GRID1: variants seen among roughly 807,000 people sequenced by gnomAD.
GRID1 encodes the protein glutamate ionotropic receptor delta type subunit 1.
In GRID1, 28 loss-of-function variants were observed where a neutral mutation model predicts 98.0. That is an observed-to-expected ratio of 0.29 (90% confidence interval 0.21 to 0.39). GRID1 has a LOEUF of 0.39. Among genes scored for constraint, GRID1 ranks in the 10% least tolerant of loss-of-function variants. The pLI is 1.00. For synonymous variants in GRID1, 553 were observed against 538.5 expected, an observed-to-expected ratio of 1.03 and a Z score of -0.37; for missense variants, 1,111 against 1,340.5, an observed-to-expected ratio of 0.83 and a Z score of 2.67.
intron 3 of GRID1, among the ~76,000 whole-genome samples, chr10:86,176,461 A>T (rs921000436): frequency 2.6e-5 from 4 of 152,254 alleles, no homozygotes; most frequent in Admixed American, 2.0e-4. Context: ...GAGGCCTGAA[A>T]AAATGGAGGC....
intron 4 of GRID1, among the ~76,000 whole-genome samples, chr10:85,998,811 A>G (rs980185116): frequency 1.3e-5 from 2 of 152,240 alleles, no homozygotes; most frequent in Non-Finnish European, 2.9e-5. Flanking sequence ...AAGATAAAAC[A>G]TCACAACAGA....
chr10:85,801,905 C>G (rs954989155), intron 8 of GRID1, among the ~76,000 whole-genome samples: 3 of 151,896 alleles, frequency 2.0e-5, no homozygotes, highest in African/African-American at 7.2e-5. Flanking sequence ...TTGAGAAAAA[C>G]TATTAGCTAT....
At chr10:85,825,024 T>C (rs1465117916) in intron 8 of GRID1, among the ~76,000 whole-genome samples, 1 of 152,234 alleles carries the variant, frequency 6.6e-6, no homozygotes, top group African/African-American at 2.4e-5. Context: ...GTCTTTTTGA[T>C]GTGATGACTT....
At chr10:86,269,549 G>C (rs1195822402) in intron 2 of GRID1, among the ~76,000 whole-genome samples, 1 of 152,084 alleles carries the variant, frequency 6.6e-6, no homozygotes, top group African/African-American at 2.4e-5. Context: ...CTGCACACTG[G>C]CTGACATTGA....
chr10:85,621,260 G>T (rs1032580433), intron 13 of GRID1, among the ~76,000 whole-genome samples: 10 of 152,106 alleles, frequency 6.6e-5, no homozygotes, highest in African/African-American at 2.4e-4. Context: ...ACCAGATGAT[G>T]GGGGCCTCAT....
chr10:86,070,593 A>C (rs1046808263), intron 4 of GRID1, among the ~76,000 whole-genome samples: 2 of 152,144 alleles, frequency 1.3e-5, no homozygotes, highest in African/African-American at 2.4e-5. Context: ...CACAGTGGAC[A>C]CTGGGAACTA....
At chr10:86,020,681 T>C (rs1843036838) in intron 4 of GRID1, among the ~76,000 whole-genome samples, 1 of 152,154 alleles carries the variant, frequency 6.6e-6, no homozygotes, top group South Asian at 2.1e-4. Flanking sequence ...TGCAAAATCC[T>C]AAAGCATCAT....
chr10:86,314,874 C>A (rs765128350), intron 2 of GRID1, among the ~76,000 whole-genome samples: 6 of 152,168 alleles, frequency 3.9e-5, no homozygotes, highest in Non-Finnish European at 7.4e-5. Context: ...AGAGCCAGAG[C>A]CCCCAGGATC....
chr10:85,922,233 G>A (rs777162887), intron 4 of GRID1, among the ~76,000 whole-genome samples: 6 of 152,088 alleles, frequency 3.9e-5, no homozygotes, highest in Non-Finnish European at 8.8e-5. Flanking sequence ...TATAAGTCAC[G>A]GTGCTGTCCT....
chr10:85,769,707 G>A (rs980963051), intron 8 of GRID1, among the ~76,000 whole-genome samples: 5 of 152,214 alleles, frequency 3.3e-5, no homozygotes, highest in Admixed American at 3.3e-4. Flanking sequence ...TACACCCACG[G>A]AGTCTCGCTG....
chr10:85,849,973 A>G (rs892973498), intron 8 of GRID1, among the ~76,000 whole-genome samples: 1 of 152,144 alleles, frequency 6.6e-6, no homozygotes, highest in African/African-American at 2.4e-5. Flanking sequence ...GTTGTCTCAC[A>G]CCACATCAGG....
At chr10:86,065,268 G>A (rs1323399332) in intron 4 of GRID1, among the ~76,000 whole-genome samples, 1 of 152,232 alleles carries the variant, frequency 6.6e-6, no homozygotes, top group African/African-American at 2.4e-5. Flanking sequence ...TAGATCTACT[G>A]AGTGAGAAAC....
At chr10:85,910,478 A>G (rs908941033) in intron 5 of GRID1, among the ~76,000 whole-genome samples, 1 of 152,184 alleles carries the variant, frequency 6.6e-6, no homozygotes, top group Non-Finnish European at 1.5e-5. Flanking sequence ...TGGACTGTTG[A>G]CAGAGGCCAC....
In GRID1 at chr10:85,757,656, G is replaced by C. The variant is rs558347258; in HGVS notation, c.1234-28042C>G. Among the ~76,000 whole-genome samples the C allele has an allele frequency of 2.0e-5, 3 of 152,346 alleles. No homozygotes were observed. In the East Asian group the frequency reaches 5.8e-4, roughly 29 times the overall value. The stretch of plus-strand genomic sequence containing the variant: ...TGGGGGACACTAAAGACGAGGAACA[G>C]GAGCTGAAGTTGGTCCATGTACTAT... On this transcript the variant is annotated intron_variant, in intron 8 of 15. Coordinates refer to ENST00000327946, the MANE Select transcript of GRID1 (RefSeq NM_017551.3).
chr10:85,837,239 A>C (rs759361064), intron 8 of GRID1, among the ~76,000 whole-genome samples: 20 of 152,194 alleles, frequency 1.3e-4, no homozygotes, highest in Non-Finnish European at 5.9e-5. Flanking sequence ...ATGGGGGCAC[A>C]GAGAAAGCAC....
At chr10:85,687,727 G>C (rs1841286038) in intron 12 of GRID1, among the ~76,000 whole-genome samples, 2 of 152,114 alleles carry the variant, frequency 1.3e-5, no homozygotes, top group Admixed American at 6.6e-5. Flanking sequence ...TATGAGACGA[G>C]GGATTTTAAA....
intron 12 of GRID1, among the ~76,000 whole-genome samples, chr10:85,679,093 C>G (rs1033479847): frequency 6.6e-6 from 1 of 152,196 alleles, no homozygotes; most frequent in Non-Finnish European, 1.5e-5. Flanking sequence ...GAACATTCTT[C>G]TGCCATAACT....
intron 8 of GRID1, among the ~76,000 whole-genome samples, chr10:85,807,326 G>A (rs1407034493): frequency 6.6e-6 from 1 of 151,614 alleles, no homozygotes; most frequent in Non-Finnish European, 1.5e-5. Context: ...CTCTGGTCTG[G>A]ATGGCAGGGC....
At chr10:86,107,168 C>T (rs1298806050) in intron 4 of GRID1, among the ~76,000 whole-genome samples, 2 of 152,218 alleles carry the variant, frequency 1.3e-5, no homozygotes, top group African/African-American at 2.4e-5. Context: ...TGAGTATTAG[C>T]GCTTTGCCTT....
Sources: allele counts gnomAD v4.1 joint callset (sites outside exome capture counted in the v4.1 genomes callset), GRCh38; gene constraint gnomAD v4.1.1; transcripts MANE v1.5; gene names NCBI Gene and HGNC (gene_info 2026-07-23, HGNC 2026-07-21).